The following DCTN4 variants were observed in gnomAD, a reference collection of about 807,000 sequenced individuals.
DCTN4 encodes dynactin subunit 4, also known as dynactin 4 (p62).
Under a neutral mutation model 62.7 loss-of-function variants are expected in DCTN4, and 23 were observed. The observed-to-expected ratio is 0.37, with a 90% CI of 0.26 to 0.52. DCTN4 has a LOEUF of 0.52. DCTN4 is among the 20% of genes least tolerant of loss of function. DCTN4 has a pLI of 0.92. For synonymous variants in DCTN4, 199 were observed against 202.1 expected (o/e 0.98, Z 0.13); for missense variants, 514 against 580.4 (o/e 0.89, Z 1.18).
At chr5:150,754,197 A>G (rs1197175364) in intron 2 of DCTN4, among the ~76,000 whole-genome samples, 2 of 152,108 alleles carry the variant, frequency 1.3e-5, no homozygotes, top group Admixed American at 1.3e-4. Flanking sequence ...CTCAGCCAAC[A>G]TTTCTCCTTT....
chr5:150,708,929 G>T lies in DCTN4; in HGVS notation c.*2220C>A, dbSNP rs187005028. The T allele has an allele frequency of 2.2e-4, 33 of 152,898 alleles. No homozygotes were observed. Among genetic ancestry groups the T allele is most frequent in the African/African-American group, 7.7e-4 (32 of 41,580 alleles). 9.5% of individuals were successfully genotyped at this position (152,898 alleles called of 1,614,324 possible). A position where few individuals can be genotyped will look rare whatever the true frequency, so the allele number is the denominator to read the frequency against. On this transcript the variant is annotated 3_prime_UTR_variant, in exon 13 of 13. Transcript: ENST00000447998. Reference sequence around the variant, plus strand: ...ATAAGCACTTCAAACAAAAGAAAAGGTCAGTAGGTGAATCAAGTAACAAAT... The same window carrying T: ...ATAAGCACTTCAAACAAAAGAAAAGTTCAGTAGGTGAATCAAGTAACAAAT...
chr5:150,730,628 T>C lies in DCTN4; in HGVS notation c.834+3A>G, dbSNP rs758729790. ...TGGTCAGTCTACAGAATGGAATACTTACACGGCAGCGCAGGGACCGTTTGA... is the reference window on the plus strand; with the variant it reads ...TGGTCAGTCTACAGAATGGAATACTCACACGGCAGCGCAGGGACCGTTTGA... On this transcript the variant is annotated splice_donor_region_variant and intron_variant, in intron 8 of 12. Coordinates refer to ENST00000447998, the MANE Select transcript of DCTN4 (RefSeq NM_016221.4). The C allele has an allele frequency of 6.2e-7, 1 of 1,613,150 alleles. No individual in the cohort carries two copies. Among genetic ancestry groups the C allele is most frequent in the East Asian group, 2.2e-5 (1 of 44,858 alleles).
At chr5:150,742,506 G>C (rs951826372) in intron 3 of DCTN4, among the ~76,000 whole-genome samples, 67 of 152,190 alleles carry the variant, frequency 4.4e-4, no homozygotes, top group African/African-American at 1.6e-3. Context: ...GTCACACGGA[G>C]AGTAAGTGGT....
In DCTN4 at chr5:150,715,655, A is replaced by C; in HGVS notation, c.1079T>G (p.Val360Gly). 1 of 1,614,100 alleles carries C rather than the reference A, an allele frequency of 6.2e-7. No homozygotes were observed. Among genetic ancestry groups the C allele is most frequent in the Non-Finnish European group, 8.5e-7 (1 of 1,179,968 alleles). The change falls in exon 12 of 13, where the codon GTG becomes GGG. Residue 360 changes from valine (V) to glycine (G), a missense_variant. By Grantham distance (109) the Val-to-Gly change is moderately radical. Transcript: ENST00000447998. ...DDINSTAKVV[V>G]PPKELVLAGK... Reference sequence around the variant, plus strand: ...AGCTAAAACGAGCTCTTTGGGAGGCACCACCACCTGGAGAGCAACACAGAG... The same window carrying C: ...AGCTAAAACGAGCTCTTTGGGAGGCCCCACCACCTGGAGAGCAACACAGAG...
chr5:150,713,184 G>A (rs558732618), intron 12 of DCTN4, among the ~76,000 whole-genome samples: 52 of 152,166 alleles, frequency 3.4e-4, no homozygotes, highest in Admixed American at 3.2e-3. Flanking sequence ...GTTTAAAATG[G>A]TAAAAAGAAA....
chr5:150,748,232 A>G (rs1446290347), intron 3 of DCTN4, among the ~76,000 whole-genome samples: 2 of 149,854 alleles, frequency 1.3e-5, no homozygotes, highest in African/African-American at 2.4e-5. Flanking sequence ...CAAAACCACA[A>G]TGAGATACCA....
At position 150,720,754 on chromosome 5, in the gene DCTN4, C is replaced by T. The variant is rs147685995; in HGVS notation, c.909-984G>A. Among the ~76,000 whole-genome samples, 23 of 152,316 alleles carry T rather than the reference C, an allele frequency of 1.5e-4. No individual in the cohort carries two copies. The East Asian group carries it at 4.0e-3, about 27-fold the overall frequency. On this transcript the variant is annotated intron_variant, in intron 9 of 12. Coordinates refer to ENST00000447998, the MANE Select transcript of DCTN4 (RefSeq NM_016221.4). ...TTGGCCTCCCCAAATGTTGAGATTA[C>T]AGGCATGAGCCAAACACCTGGCCTC...
At chr5:150,737,488 G>A (rs1214445207) in intron 4 of DCTN4, among the ~76,000 whole-genome samples, 1 of 152,140 alleles carries the variant, frequency 6.6e-6, no homozygotes, top group East Asian at 1.9e-4. Context: ...CAAATTGCAT[G>A]GAAATTAAAT....
At position 150,731,166 on chromosome 5, in the gene DCTN4, T is replaced by TAAAA; in HGVS notation, c.612-14_612-11dup. The TAAAA allele has an allele frequency of 6.4e-7, 1 of 1,568,650 alleles. No individual in the cohort carries two copies. The highest frequency in any genetic ancestry group is 2.2e-5 in the East Asian group (1 of 44,608). ...CTCTCCTTCTTTAAGGCTGAAAAAT[T>TAAAA]AAAAAAACAAAACAAAACAAAACAA... On this transcript the variant is annotated splice_polypyrimidine_tract_variant and intron_variant, in intron 6 of 12. Transcript: ENST00000447998.
chr5:150,755,562 C>T (rs751723423), intron 2 of DCTN4: 8 of 456,202 alleles, frequency 1.8e-5, no homozygotes, highest in South Asian at 1.2e-4. Flanking sequence ...AATACATTCC[C>T]CTAGTCTGAT....
chr5:150,737,972 G>C (rs2113086099), intron 4 of DCTN4, among the ~76,000 whole-genome samples: 1 of 152,122 alleles, frequency 6.6e-6, no homozygotes, highest in African/African-American at 2.4e-5. Flanking sequence ...AGATCATTCA[G>C]GGCTACCATG....
chr5:150,719,509 C>A (rs1408638879), intron 10 of DCTN4, among the ~76,000 whole-genome samples: 1 of 152,186 alleles, frequency 6.6e-6, no homozygotes, highest in East Asian at 1.9e-4. Flanking sequence ...ATAATGTGCA[C>A]CCTGCTCCTT....
chr5:150,730,088 A>G (rs903677407), intron 8 of DCTN4, among the ~76,000 whole-genome samples: 9 of 152,218 alleles, frequency 5.9e-5, no homozygotes, highest in African/African-American at 1.7e-4. Flanking sequence ...TGTGCTCAAG[A>G]GCCACATGTG....
Position 150,758,044 on chromosome 5 carries a change from C to CTAT in DCTN4, c.135+812_135+814dup, listed in dbSNP as rs1752927420. ...ATAGCAAGTATCGAATAAGCAGCAA[C>CTAT]TATTACTACTATCAGCTTTTTCTTC... is the stretch of plus-strand genomic sequence containing the variant. On this transcript the variant is annotated intron_variant, in intron 1 of 12. Coordinates refer to ENST00000447998, the MANE Select transcript of DCTN4 (RefSeq NM_016221.4). 3 of 950,194 alleles carry CTAT rather than the reference C, an allele frequency of 3.2e-6. No homozygotes were observed. In the African/African-American group the frequency reaches 5.3e-5, roughly 17 times the overall value. 58.9% of individuals were successfully genotyped at this position (950,194 alleles called of 1,614,324 possible).
chr5:150,711,111 G>A lies in DCTN4; in HGVS notation c.*38C>T. 1 of 1,584,500 alleles carries A rather than the reference G, an allele frequency of 6.3e-7. No homozygotes were observed. Among genetic ancestry groups the A allele is most frequent in the Non-Finnish European group, 8.7e-7 (1 of 1,155,208 alleles). On this transcript the variant is annotated 3_prime_UTR_variant, in exon 13 of 13. Coordinates refer to ENST00000447998, the MANE Select transcript of DCTN4 (RefSeq NM_016221.4). The stretch of plus-strand genomic sequence containing the variant: ...CCACATTTTAACGCAGGTTTACGGT[G>A]ATACTGTCCTTTGGGATCTGCCCTC...
intron 3 of DCTN4, among the ~76,000 whole-genome samples, chr5:150,745,542 T>C (rs1186889668): frequency 6.6e-6 from 1 of 152,136 alleles, no homozygotes; most frequent in African/African-American, 2.4e-5. Context: ...TAGTTGGAAG[T>C]AAAGCTCTCC....
At chr5:150,720,033 T>C (rs1290250350) in intron 9 of DCTN4, among the ~76,000 whole-genome samples, 3 of 152,214 alleles carry the variant, frequency 2.0e-5, no homozygotes, top group Admixed American at 6.5e-5. Context: ...TATCAAGATA[T>C]TGCTTTGTAA....
chr5:150,731,893 TG>T, intron 5 of DCTN4: 1 of 1,551,656 alleles, frequency 6.4e-7, no homozygotes, highest in Non-Finnish European at 8.7e-7. Context: ...TACCACTACA[TG>T]AATAGTATGT....
chr5:150,755,927 A>G (rs886857767), intron 2 of DCTN4, among the ~76,000 whole-genome samples: 4 of 152,210 alleles, frequency 2.6e-5, no homozygotes, highest in African/African-American at 9.6e-5. Context: ...CTGAAGTACA[A>G]AACTGTTCTA....
Sources: allele counts gnomAD v4.1 joint callset (sites outside exome capture counted in the v4.1 genomes callset), GRCh38; gene constraint gnomAD v4.1.1; transcripts MANE v1.5; gene names NCBI Gene and HGNC (gene_info 2026-07-23, HGNC 2026-07-21).